PCDHGA2: variants seen among roughly 807,000 people sequenced by gnomAD.
The protein encoded by PCDHGA2 is protocadherin gamma-A2.
A neutral mutation model predicts 59.2 loss-of-function variants in PCDHGA2; 40 were observed. The ratio of observed to expected loss-of-function variants is 0.68; its 90% CI spans 0.52 to 0.88. PCDHGA2 has a LOEUF of 0.88. Among genes scored for constraint, PCDHGA2 ranks in the 40% least tolerant of loss-of-function variants. The pLI is 0.00. For missense variants in PCDHGA2, 1,226 were observed against 1,204.0 expected (o/e 1.02, Z -0.27); for synonymous variants, 560 against 526.0 (o/e 1.06, Z -0.89).
At chr5:141,420,412 T>G in intron 1 of PCDHGA2, 1 of 1,225,004 alleles carries the variant, frequency 8.2e-7, no homozygotes, top group African/African-American at 1.6e-5. Flanking sequence ...TGGTTATCAT[T>G]ATTAAAACAA....
intron 1 of PCDHGA2, among the ~76,000 whole-genome samples, chr5:141,473,719 T>C (rs998018115): frequency 6.6e-6 from 1 of 152,124 alleles, no homozygotes; most frequent in African/African-American, 2.4e-5. Context: ...CAATGGAATA[T>C]AGTGAGAGAG....
At position 141,369,163 on chromosome 5, in the gene PCDHGA2, A is replaced by G. The variant is rs184652156; in HGVS notation, c.2424+27768A>G. Reference sequence around the variant, plus strand: ...AATGGCATGTTATTGACCAGGGAAAAGTGTAAATAACAAAAAGTTAGGATT... The same window carrying G: ...AATGGCATGTTATTGACCAGGGAAAGGTGTAAATAACAAAAAGTTAGGATT... On this transcript the variant is annotated intron_variant, in intron 1 of 3. Transcript: ENST00000394576. Among the ~76,000 whole-genome samples, 9 of 152,372 alleles carry G rather than the reference A, an allele frequency of 5.9e-5. No homozygotes were observed. In the East Asian group the frequency reaches 1.7e-3, roughly 29 times the overall value.
Position 141,415,225 on chromosome 5 carries a change from T to C in PCDHGA2, c.2424+73830T>C, listed in dbSNP as rs189700811. On this transcript the variant is annotated intron_variant, in intron 1 of 3. Transcript: ENST00000394576. ...CCTGGCGGACCTCGGCAGCTTCGAG[T>C]CTCCAGCTAACTCTGAAACCTCAGA... 12,267 of 1,614,024 alleles carry C rather than the reference T, an allele frequency of 7.6e-3. 74 individuals carry two copies. Among genetic ancestry groups the C allele is most frequent in the Non-Finnish European group, 9.2e-3 (10,854 of 1,180,002 alleles).
chr5:141,475,715 C>A (rs989484033), intron 1 of PCDHGA2, among the ~76,000 whole-genome samples: 3 of 152,366 alleles, frequency 2.0e-5, no homozygotes, highest in South Asian at 4.1e-4. Context: ...AGCCTCACAG[C>A]CCCAAGGCTG....
intron 1 of PCDHGA2, among the ~76,000 whole-genome samples, chr5:141,464,162 G>A (rs1030872607): frequency 6.6e-6 from 1 of 151,946 alleles, no homozygotes; most frequent in African/African-American, 2.4e-5. Context: ...CTACTTGGAA[G>A]GCTGAGGCAG....
chr5:141,447,168 T>C (rs1027377060), intron 1 of PCDHGA2, among the ~76,000 whole-genome samples: 2 of 152,174 alleles, frequency 1.3e-5, no homozygotes, highest in Non-Finnish European at 2.9e-5. Context: ...AAGCGGGGTC[T>C]TGCTCTTGTC....
Position 141,361,293 on chromosome 5 carries a change from GT to G in PCDHGA2, c.2424+19900del, listed in dbSNP as rs748961752. 9.3e-6 allele frequency: 15 copies of G among 1,614,018 alleles called. No homozygotes were observed. The Admixed American group carries it at 2.3e-4, about 25-fold the overall frequency. On this transcript the variant is annotated intron_variant, in intron 1 of 3. Coordinates refer to ENST00000394576, the MANE Select transcript of PCDHGA2 (RefSeq NM_018915.4). The stretch of plus-strand genomic sequence containing the variant: ...AAAATGGAGAAGTTTACTGCCAAGT[GT>G]TGGGAAATGCCAAGTTTATTTTGAA...
intron 1 of PCDHGA2, among the ~76,000 whole-genome samples, chr5:141,435,462 T>G (rs1206913100): frequency 6.6e-6 from 1 of 152,230 alleles, no homozygotes; most frequent in Non-Finnish European, 1.5e-5. Flanking sequence ...TGTATGTGTT[T>G]CCAAGTTAGA....
chr5:141,384,847 G>A (rs781186343), intron 1 of PCDHGA2: 9 of 1,613,590 alleles, frequency 5.6e-6, no homozygotes, highest in Admixed American at 3.3e-5. Flanking sequence ...CCAGGACCAC[G>A]GTCAGCCTCC....
chr5:141,407,425 CTT>C (rs1307911949), intron 1 of PCDHGA2, among the ~76,000 whole-genome samples: 3 of 151,864 alleles, frequency 2.0e-5, no homozygotes, highest in African/African-American at 4.8e-5. Context: ...AAAAATGTCT[CTT>C]GCCCTTAAAA....
intron 1 of PCDHGA2, among the ~76,000 whole-genome samples, chr5:141,459,386 T>C (rs1283863283): frequency 6.6e-6 from 1 of 152,260 alleles, no homozygotes; most frequent in African/African-American, 2.4e-5. Context: ...GTGTTCCATT[T>C]GATTGTTGAG....
chr5:141,382,838 A>G, intron 1 of PCDHGA2: 2 of 1,445,878 alleles, frequency 1.4e-6, no homozygotes, highest in Non-Finnish European at 1.9e-6. Context: ...GTCCACCCGG[A>G]TACACCCGCA....
intron 1 of PCDHGA2, chr5:141,427,619 C>T: frequency 1.4e-6 from 1 of 696,342 alleles, no homozygotes; most frequent in Non-Finnish European, 2.6e-6. Context: ...AAGTCAACGA[C>T]AATGCTCCGG....
At chr5:141,404,248 G>A in intron 1 of PCDHGA2, 2 of 1,613,812 alleles carry the variant, frequency 1.2e-6, no homozygotes, top group African/African-American at 2.7e-5. Flanking sequence ...CTCCGCCCCT[G>A]TCCACAGAAA....
At chr5:141,342,495 T>G (rs978570400) in intron 1 of PCDHGA2, 4 of 152,234 alleles carry the variant, frequency 2.6e-5, no homozygotes, top group Non-Finnish European at 5.9e-5. Context: ...TATTGAATGA[T>G]ACCATATTTC....
intron 1 of PCDHGA2, chr5:141,366,064 G>T (rs761173450): frequency 5.5e-5 from 88 of 1,614,106 alleles, no homozygotes; most frequent in Middle Eastern, 1.6e-4. Context: ...TGGAGCTGGC[G>T]CCTCGCTCCG....
rs755137237 is a variant in PCDHGA2 at position 141,344,479 on chromosome 5, G to A, written c.2424+3084G>A. 3.1e-6 allele frequency: 5 copies of A among 1,613,906 alleles called. No homozygotes were observed. The South Asian group carries it at 4.4e-5, about 14-fold the overall frequency. On this transcript the variant is annotated intron_variant, in intron 1 of 3. Coordinates refer to ENST00000394576, the MANE Select transcript of PCDHGA2 (RefSeq NM_018915.4). ...AAAATTGGTGAACTAACGGTTCCTGGAACCCGATTTCCAATTAAAACTGCT... is the reference window on the plus strand; with the variant it reads ...AAAATTGGTGAACTAACGGTTCCTGAAACCCGATTTCCAATTAAAACTGCT...
In PCDHGA2 at chr5:141,409,582, C is replaced by A. The variant is rs2095287974; in HGVS notation, c.2424+68187C>A. On this transcript the variant is annotated intron_variant, in intron 1 of 3. Coordinates refer to ENST00000394576, the MANE Select transcript of PCDHGA2 (RefSeq NM_018915.4). ...TCGACCAGACGTCCTACGTGGTCCA[C>A]GTGGCCGAGAACAACCCGCCAGGAG... 2.5e-6 allele frequency: 4 copies of A among 1,613,914 alleles called. No homozygotes were observed. The Middle Eastern group carries it at 4.9e-4, about 200-fold the overall frequency.
At chr5:141,349,457 T>G (rs1162654950) in intron 1 of PCDHGA2, among the ~76,000 whole-genome samples, 1 of 152,200 alleles carries the variant, frequency 6.6e-6, no homozygotes, top group Admixed American at 6.5e-5. Context: ...AAAGCATGTA[T>G]GTGTACCCCA....
Sources: gnomAD v4.1 joint callset for allele counts (sites outside exome capture counted in the v4.1 genomes callset) on GRCh38, gnomAD v4.1.1 for gene constraint, MANE v1.5 for transcripts, NCBI Gene and HGNC (gene_info 2026-07-23, HGNC 2026-07-21) for gene names.